The following ANKS1B variants were observed in gnomAD, a reference collection of about 807,000 sequenced individuals.
ANKS1B encodes the protein ankyrin repeat and sterile alpha motif domain containing 1B.
ANKS1B carries 36 observed loss-of-function variants against 148.3 expected under a neutral mutation model. The ratio of observed to expected loss-of-function variants is 0.24; its 90% confidence interval spans 0.19 to 0.32. The LOEUF (loss-of-function observed/expected upper bound fraction) is 0.32, where lower values mean the gene tolerates loss of function less well. Ranked by LOEUF, ANKS1B falls within the 10% of genes least tolerant of loss-of-function variation. The pLI is 1.00. For synonymous variants in ANKS1B, 542 were observed against 560.8 expected, an observed-to-expected ratio of 0.97 and a Z score of 0.47; for missense variants, 1,157 against 1,542.6, an observed-to-expected ratio of 0.75 and a Z score of 4.19.
intron 9 of ANKS1B, among the ~76,000 whole-genome samples, chr12:99,520,361 GT>G (rs1176326147): frequency 6.6e-6 from 1 of 152,134 alleles, no homozygotes; most frequent in African/African-American, 2.4e-5. Context: ...CTGGGTAAAA[GT>G]TTTTTTCCTT....
At chr12:99,103,506 C>T (rs1243290531) in intron 15 of ANKS1B, among the ~76,000 whole-genome samples, 1 of 152,198 alleles carries the variant, frequency 6.6e-6, no homozygotes, top group East Asian at 1.9e-4. Flanking sequence ...ATCTATGTCT[C>T]ACTTTCATCT....
At chr12:98,989,919 A>G (rs2099925551) in intron 17 of ANKS1B, among the ~76,000 whole-genome samples, 1 of 151,796 alleles carries the variant, frequency 6.6e-6, no homozygotes, top group African/African-American at 2.4e-5. Context: ...GAAAGAAAGA[A>G]AGAAAGAGAA....
At chr12:99,075,803 A>T (rs1453999649) in intron 16 of ANKS1B, among the ~76,000 whole-genome samples, 3 of 145,862 alleles carry the variant, frequency 2.1e-5, no homozygotes, top group African/African-American at 4.9e-5. Context: ...AACATATATA[A>T]TATACAACAA....
chr12:99,240,616 A>G (rs1366055590), intron 14 of ANKS1B, among the ~76,000 whole-genome samples: 3 of 151,988 alleles, frequency 2.0e-5, no homozygotes, highest in Non-Finnish European at 4.4e-5. Context: ...ACCACATCCC[A>G]CTTATTCTAA....
chr12:99,157,492 T>C (rs1220918846), intron 14 of ANKS1B, among the ~76,000 whole-genome samples: 1 of 152,212 alleles, frequency 6.6e-6, no homozygotes, highest in African/African-American at 2.4e-5. Flanking sequence ...AAATAAACTT[T>C]GTTAAATAAA....
intron 1 of ANKS1B, among the ~76,000 whole-genome samples, chr12:99,965,783 A>C (rs1394408311): frequency 1.3e-5 from 2 of 152,084 alleles, no homozygotes; most frequent in African/African-American, 4.8e-5. Flanking sequence ...AATTAGGCGC[A>C]TATTTGTAGT....
At chr12:99,155,945 A>T (rs1240455454) in intron 14 of ANKS1B, among the ~76,000 whole-genome samples, 2 of 152,194 alleles carry the variant, frequency 1.3e-5, no homozygotes, top group Admixed American at 1.3e-4. Flanking sequence ...ACAGATTGAG[A>T]ACAGTGCCTC....
At chr12:98,967,190 T>C (rs969248886) in intron 17 of ANKS1B, among the ~76,000 whole-genome samples, 3 of 151,996 alleles carry the variant, frequency 2.0e-5, no homozygotes, top group Non-Finnish European at 2.9e-5. Flanking sequence ...TCCTTCTGAG[T>C]CAAATATCAA....
rs1566966330 is a variant in ANKS1B at position 98,831,914 on chromosome 12, T to C, written c.2886+115A>G. On this transcript the variant is annotated intron_variant, in intron 18 of 26. Transcript: ENST00000683438. Reference sequence around the variant, plus strand: ...ACAGACAGGCACAACCACACCTGGCTAAATTTTTTCTGTTTTCAGTAGAGG... The same window carrying C: ...ACAGACAGGCACAACCACACCTGGCCAAATTTTTTCTGTTTTCAGTAGAGG... 3 of 965,440 alleles carry C rather than the reference T, an allele frequency of 3.1e-6. No homozygotes were observed. The Admixed American group carries it at 6.0e-5, about 19-fold the overall frequency. 59.8% of individuals were successfully genotyped at this position (965,440 alleles called of 1,614,324 possible).
At chr12:99,466,254 C>G (rs2096111304) in intron 10 of ANKS1B, among the ~76,000 whole-genome samples, 2 of 152,046 alleles carry the variant, frequency 1.3e-5, no homozygotes, top group African/African-American at 4.8e-5. Context: ...AACAAAGACA[C>G]AACATACCAG....
chr12:99,615,894 C>G (rs2097953574), intron 9 of ANKS1B, among the ~76,000 whole-genome samples: 1 of 152,102 alleles, frequency 6.6e-6, no homozygotes, highest in South Asian at 2.1e-4. Context: ...TTAGAAAACC[C>G]TATCATCTCA....
At chr12:98,839,097 C>T (rs1277103481) in intron 17 of ANKS1B, among the ~76,000 whole-genome samples, 1 of 152,172 alleles carries the variant, frequency 6.6e-6, no homozygotes, top group East Asian at 1.9e-4. Context: ...AACAGAAAGA[C>T]CTCAGGAGCA....
intron 17 of ANKS1B, among the ~76,000 whole-genome samples, chr12:98,837,856 C>T (rs2099384156): frequency 6.6e-6 from 1 of 151,972 alleles, no homozygotes; most frequent in Admixed American, 6.6e-5. Flanking sequence ...GCATTTTTAT[C>T]TGCTTTTAAA....
intron 8 of ANKS1B, among the ~76,000 whole-genome samples, chr12:99,688,259 C>G (rs887869830): frequency 6.6e-6 from 1 of 152,230 alleles, no homozygotes; most frequent in African/African-American, 2.4e-5. Context: ...CTAGCAAATT[C>G]AAGCTACCTG....
At chr12:99,110,575 C>T (rs2060093767) in intron 15 of ANKS1B, among the ~76,000 whole-genome samples, 1 of 152,152 alleles carries the variant, frequency 6.6e-6, no homozygotes, top group African/African-American at 2.4e-5. Flanking sequence ...TTTTGTGCCA[C>T]TAGGTCGAGC....
At chr12:99,535,671 G>A (rs2097058437) in intron 9 of ANKS1B, among the ~76,000 whole-genome samples, 1 of 152,020 alleles carries the variant, frequency 6.6e-6, no homozygotes, top group African/African-American at 2.4e-5. Flanking sequence ...CACTGAATTT[G>A]AACATGCCTT....
intron 12 of ANKS1B, among the ~76,000 whole-genome samples, chr12:99,351,103 C>G (rs1041481383): frequency 6.6e-6 from 1 of 152,054 alleles, no homozygotes; most frequent in Non-Finnish European, 1.5e-5. Flanking sequence ...TGGAAAAAAT[C>G]TTGGTATTTT....
chr12:99,651,798 A>C (rs1260005994), intron 9 of ANKS1B, among the ~76,000 whole-genome samples: 1 of 152,064 alleles, frequency 6.6e-6, no homozygotes, highest in Non-Finnish European at 1.5e-5. Context: ...TGATAATAAC[A>C]GAAAAAGATT....
intron 1 of ANKS1B, among the ~76,000 whole-genome samples, chr12:99,952,677 C>A (rs906462275): frequency 6.6e-6 from 1 of 152,282 alleles, no homozygotes; most frequent in East Asian, 1.9e-4. Context: ...CTGTGTTTTA[C>A]TCCCAGTTTT....
Sources: gnomAD v4.1 joint callset for allele counts (sites outside exome capture counted in the v4.1 genomes callset) on GRCh38, gnomAD v4.1.1 for gene constraint, MANE v1.5 for transcripts, NCBI Gene and HGNC (gene_info 2026-07-23, HGNC 2026-07-21) for gene names.